GOLGA8T: variants seen among roughly 807,000 people sequenced by gnomAD.
The protein encoded by GOLGA8T is golgin A8 family member T.
GOLGA8T carries 17 observed loss-of-function variants against 52.0 expected under a neutral mutation model. The observed-to-expected ratio is 0.33, with a 90% CI of 0.22 to 0.49. The LOEUF (loss-of-function observed/expected upper bound fraction) is 0.49, where lower values mean the gene tolerates loss of function less well. Ranked by LOEUF, GOLGA8T falls within the 20% of genes least tolerant of loss-of-function variation. The pLI, the probability that GOLGA8T is intolerant of heterozygous loss-of-function variation, is 0.99. For synonymous variants in GOLGA8T, 67 were observed against 169.5 expected (o/e 0.40, Z 4.70); for missense variants, 154 against 462.1 (o/e 0.33, Z 6.11).
At chr15:30,142,429 C>G in intron 13 of GOLGA8T, 47 bp downstream of exon 13, 1 of 1,579,998 alleles carries the variant, frequency 6.3e-7, no homozygotes, top group Admixed American at 1.7e-5. Context: ...GGCTGGGAGG[C>G]GGGCAGCAGA....
intron 1 of GOLGA8T, among the ~76,000 whole-genome samples, chr15:30,136,240 G>A: frequency 6.8e-6 from 1 of 146,342 alleles, no homozygotes. Context: ...CTCAACCTTG[G>A]GTACTTTGAG....
At chr15:30,136,225 A>G (rs1474360737) in intron 1 of GOLGA8T, among the ~76,000 whole-genome samples, 2 of 145,740 alleles carry the variant, frequency 1.4e-5, no homozygotes, top group African/African-American at 5.2e-5. Context: ...TCTTCCTCAT[A>G]TTATCTCAAC....
chr15:30,145,392 A>T lies in GOLGA8T; in HGVS notation c.1721A>T (p.Asp574Val), dbSNP rs1316067960. 12 of 1,548,038 alleles carry T rather than the reference A, an allele frequency of 7.8e-6. No individual in the cohort carries two copies. Among genetic ancestry groups the T allele is most frequent in the Non-Finnish European group, 9.5e-6 (11 of 1,160,734 alleles). ...GATCCCTGCCTCCCTCTCTCCAAAG[A>T]TCTTCGTGAGGTGAGCCTCACCTCC... The part of the protein sequence containing the change: ...QELGAADKHG[D>V]LREVSLTSSA... Residue 574 changes from aspartate (D) to valine (V), a missense_variant and splice_region_variant, in exon 19 of 19, where the codon GAT becomes GTT. Physicochemically the swap from Asp to Val is radical, Grantham distance 152. Around this residue, in one of 6 missense-constraint regions of GOLGA8T, gnomAD observed 22 missense variants for 181.2 expected, o/e 0.12. Coordinates refer to ENST00000569052, the MANE Select transcript of GOLGA8T (RefSeq NM_001355469.2).
intron 13 of GOLGA8T, among the ~76,000 whole-genome samples, chr15:30,143,272 G>A (rs1408121946): frequency 9.5e-6 from 1 of 105,278 alleles, no homozygotes; most frequent in Non-Finnish European, 1.7e-5. Flanking sequence ...GCCACCACGT[G>A]CCCTCACACC....
Position 30,145,248 on chromosome 15 carries a change from A to C in GOLGA8T, c.1661A>C (p.Asp554Ala). ...CTGGCCGCTGCCCACAACCCTGCTG[A>C]TGAGCCCGGTCCAGGAGCCCCAGCT... ...KFLAAAHNPA[D>A]EPGPGAPAPQ... Residue 554 changes from aspartate to alanine, a missense_variant, in exon 18 of 19, where the codon GAT (aspartate) becomes GCT (alanine). Physicochemically the swap from Asp to Ala is moderately radical, Grantham distance 126. Transcript: ENST00000569052. 6.9e-7 allele frequency: 1 copy of C among 1,452,156 alleles called. No homozygotes were observed. The highest frequency in any genetic ancestry group is 1.3e-5 in the South Asian group (1 of 79,842). 90.0% of individuals were successfully genotyped at this position (1,452,156 alleles called of 1,614,324 possible).
intron 13 of GOLGA8T, among the ~76,000 whole-genome samples, chr15:30,143,373 C>G (rs1264312243): frequency 8.5e-5 from 10 of 117,542 alleles, no homozygotes; most frequent in Non-Finnish European, 1.3e-4. Flanking sequence ...TGCAGCAGTA[C>G]GTGGCCACCT....
chr15:30,148,435 A>C lies in GOLGA8T; in HGVS notation c.*2868A>C, dbSNP rs1465711318. Among the ~76,000 whole-genome samples, 4 of 130,096 alleles carry C rather than the reference A, an allele frequency of 3.1e-5. No individual in the cohort carries two copies. Among genetic ancestry groups the C allele is most frequent in the Non-Finnish European group, 6.1e-5 (4 of 65,320 alleles). The allele number at this position is 130,096 out of a possible 152,430, so 85.3% of individuals were successfully genotyped here. On this transcript the variant is annotated 3_prime_UTR_variant, in exon 19 of 19. Transcript: ENST00000569052. ...CATAATATAGTTTCTCTAAAACTTT[A>C]TCTTAGTCATTTTAAAATAATATAA...
In GOLGA8T at chr15:30,140,910, G is replaced by A. The variant is rs1327138157; in HGVS notation, c.660G>A (p.Leu220=). The A allele has an allele frequency of 3.9e-6, 6 of 1,555,942 alleles. 1 individual carries two copies. The Admixed American group carries it at 1.0e-4, about 27-fold the overall frequency. The change falls in exon 9 of 19, where the codon CTG becomes CTA. Residue 220 remains leucine, a synonymous_variant. Coordinates refer to ENST00000569052, the MANE Select transcript of GOLGA8T (RefSeq NM_001355469.2). ...LEQSMREETL[L]KVQLTQLKES... ...AGTCCATGCGGGAGGAGACACTACTGAAAGTGCAGCTGACACAGGTGAGGT... is the reference window on the plus strand; with the variant it reads ...AGTCCATGCGGGAGGAGACACTACTAAAAGTGCAGCTGACACAGGTGAGGT...
At chr15:30,140,565 T>C (rs569866434) in intron 8 of GOLGA8T, among the ~76,000 whole-genome samples, 1 of 137,406 alleles carries the variant, frequency 7.3e-6, no homozygotes, top group South Asian at 2.3e-4. Context: ...TGGTGAAGCA[T>C]TCCACAAAGG....
In GOLGA8T at chr15:30,148,635, T is replaced by A. The variant is rs2057847647; in HGVS notation, c.*3068T>A. On this transcript the variant is annotated 3_prime_UTR_variant, in exon 19 of 19. Transcript: ENST00000569052. ...TTTCTTAGAATGAATTTTACCAGTT[T>A]ATGAATTATTGTAAACAGAATGTGT... 2.8e-5 allele frequency among the ~76,000 whole-genome samples: 4 copies of A among 144,018 alleles called. No individual in the cohort carries two copies. The highest frequency in any genetic ancestry group is 6.9e-5 in the Admixed American group (1 of 14,520). 94.5% of individuals were successfully genotyped at this position (144,018 alleles called of 152,430 possible).
rs1437212626 is a variant in GOLGA8T, at chr15:30,148,461, C to T, written c.*2894C>T. Among the ~76,000 whole-genome samples the T allele has an allele frequency of 7.8e-6, 1 of 127,706 alleles. No individual in the cohort carries two copies. Among genetic ancestry groups the T allele is most frequent in the Non-Finnish European group, 1.6e-5 (1 of 64,174 alleles). 83.8% of individuals were successfully genotyped at this position (127,706 alleles called of 152,430 possible). A position where few individuals can be genotyped will look rare whatever the true frequency, so the allele number is the denominator to read the frequency against. On this transcript the variant is annotated 3_prime_UTR_variant, in exon 19 of 19. Coordinates refer to ENST00000569052, the MANE Select transcript of GOLGA8T (RefSeq NM_001355469.2). ...TCTTAGTCATTTTAAAATAATATAA[C>T]TATTAAAAAATGTAACTGCTATCTT... is the stretch of plus-strand genomic sequence containing the variant.
intron 13 of GOLGA8T, 76 bp downstream of exon 13, chr15:30,142,458 C>G (rs1476903282): frequency 1.5e-5 from 23 of 1,574,700 alleles, no homozygotes; most frequent in Admixed American, 3.5e-5. Context: ...AGGGGAGGTA[C>G]GAGGCCAGAG....
Position 30,142,039 on chromosome 15 carries a change from A to C in GOLGA8T, c.1112A>C (p.Gln371Pro). The C allele has an allele frequency of 2.4e-6, 1 of 418,214 alleles. No individual in the cohort carries two copies. The highest frequency in any genetic ancestry group is 3.9e-6 in the Non-Finnish European group (1 of 255,954). The allele number at this position is 418,214 out of a possible 1,614,324, so 25.9% of individuals were successfully genotyped here. The change falls in exon 12 of 19, where the codon CAG becomes CCG. Residue 371 changes from glutamine (Q) to proline (P), a missense_variant. This residue lies in a region of GOLGA8T where 54 missense variants were observed against 51.5 expected (regional missense o/e 1.05). Transcript: ENST00000569052. ...AGCCTTCAGCAGCTGGCCAAGCCAC[A>C]GAGCGTCTTCGAGGAGCCGGTGCGT... is the stretch of plus-strand genomic sequence containing the variant. ...HKSLQQLAKPQSVFEEPNNEN... is the reference protein window; with the variant it reads ...HKSLQQLAKPPSVFEEPNNEN...
chr15:30,137,265 C>G (rs1450160722), intron 2 of GOLGA8T, among the ~76,000 whole-genome samples: 3 of 145,318 alleles, frequency 2.1e-5, no homozygotes, highest in Admixed American at 6.9e-5. Context: ...GTAGTCCCAG[C>G]TACTCAGAAG....
Position 30,142,383 on chromosome 15 carries a change from G to T in GOLGA8T, c.1200+1G>T, listed in dbSNP as rs547476712. The T allele has an allele frequency of 1.2e-5, 18 of 1,557,974 alleles. No individual in the cohort carries two copies. Among genetic ancestry groups the T allele is most frequent in the Non-Finnish European group, 1.5e-5 (18 of 1,162,492 alleles). On this transcript the variant is annotated splice_donor_variant, in intron 13 of 18. Coordinates refer to ENST00000569052, the MANE Select transcript of GOLGA8T (RefSeq NM_001355469.2). LOFTEE classifies it high-confidence loss of function. ...GGAGCTACAGGAGAAGCTTGGCGAGGTGAAGGAGACGGAAACCTCCACCCC... is the reference window on the plus strand; with the variant it reads ...GGAGCTACAGGAGAAGCTTGGCGAGTTGAAGGAGACGGAAACCTCCACCCC...
chr15:30,143,459 A>G, intron 13 of GOLGA8T, 147 bp from the exon 14 acceptor site: 1 of 1,470,242 alleles, frequency 6.8e-7, no homozygotes, highest in South Asian at 1.3e-5. Flanking sequence ...AACCAGCTGC[A>G]GCAGCAGGAA....
chr15:30,141,591 C>A (rs2057745156), intron 11 of GOLGA8T, among the ~76,000 whole-genome samples, 166 bp downstream of exon 11: 1 of 124,982 alleles, frequency 8.0e-6, no homozygotes, highest in Non-Finnish European at 1.5e-5. Context: ...GTCTCAGTGT[C>A]TCAGTGTCCC....
intron 11 of GOLGA8T, among the ~76,000 whole-genome samples, 169 bp downstream of exon 11, chr15:30,141,594 A>AGTGTCCCC (rs1262563071): frequency 1.6e-5 from 2 of 124,996 alleles, no homozygotes; most frequent in African/African-American, 8.9e-5. Flanking sequence ...TCAGTGTCTC[A>AGTGTCCCC]GTGTCCCCAT....
Position 30,148,677 on chromosome 15 carries a change from G to C in GOLGA8T, c.*3110G>C, listed in dbSNP as rs1257617876. On this transcript the variant is annotated 3_prime_UTR_variant, in exon 19 of 19. Coordinates refer to ENST00000569052, the MANE Select transcript of GOLGA8T (RefSeq NM_001355469.2). ...AGAATGTGTCATGGAAATACTGAAA[G>C]ATTTTTCCCTAGAGTGGCCTTATTG... Among the ~76,000 whole-genome samples the C allele has an allele frequency of 1.4e-5, 2 of 146,044 alleles. No individual in the cohort carries two copies. The highest frequency in any genetic ancestry group is 1.4e-4 in the Admixed American group (2 of 14,710).
Sources: allele counts gnomAD v4.1 joint callset (sites outside exome capture counted in the v4.1 genomes callset), GRCh38; gene constraint gnomAD v4.1.1; regional missense constraint gnomAD v4.1.1; transcripts MANE v1.5; gene names NCBI Gene and HGNC (gene_info 2026-07-23, HGNC 2026-07-21).